ABCA1: variants seen among roughly 807,000 people sequenced by gnomAD.
ABCA1 encodes phospholipid-transporting ATPase ABCA1.
In ABCA1, 133 loss-of-function variants were observed where a neutral mutation model predicts 262.5. The ratio of observed to expected loss-of-function variants is 0.51; its 90% CI spans 0.44 to 0.59. The LOEUF (loss-of-function observed/expected upper bound fraction) is 0.59. Ranked by LOEUF, ABCA1 falls within the 20% of genes least tolerant of loss-of-function variation. The pLI is 0.00. For missense variants in ABCA1, 2,452 were observed against 2,777.5 expected, an observed-to-expected ratio of 0.88 and a Z score of 2.63; for synonymous variants, 1,022 against 1,043.5, an observed-to-expected ratio of 0.98 and a Z score of 0.40.
At chr9:104,835,764 T>C (rs541598636) in intron 11 of ABCA1, among the ~76,000 whole-genome samples, 1 of 152,294 alleles carries the variant, frequency 6.6e-6, no homozygotes, top group African/African-American at 2.4e-5. Flanking sequence ...ATGAATGCCA[T>C]TGCCATGTTT....
chr9:104,856,122 A>G (rs1417872497), intron 7 of ABCA1: 2 of 1,558,934 alleles, frequency 1.3e-6, no homozygotes, highest in East Asian at 4.5e-5. Context: ...TCAACCAAGC[A>G]GCAATAGAAA....
rs78329992 is a variant in ABCA1 at position 104,820,079 on chromosome 9, G to A, written c.2961-10C>T. On this transcript the variant is annotated splice_polypyrimidine_tract_variant and intron_variant, in intron 20 of 49. Transcript: ENST00000374736. Reference sequence around the variant, plus strand: ...TTCTTCGACAGTCAGCCTGGGGACAGGGAGGCAGGTCAGCTCTGGGCCCTA... The same window carrying A: ...TTCTTCGACAGTCAGCCTGGGGACAAGGAGGCAGGTCAGCTCTGGGCCCTA... 2,055 of 1,614,160 alleles carry A rather than the reference G, an allele frequency of 1.3e-3. 28 individuals carry two copies. In the African/African-American group the frequency reaches 0.024, roughly 19 times the overall value.
intron 5 of ABCA1, among the ~76,000 whole-genome samples, chr9:104,878,317 G>A (rs1236149699): frequency 6.6e-6 from 1 of 152,238 alleles, no homozygotes; most frequent in Non-Finnish European, 1.5e-5. Flanking sequence ...AAGTTCCAGT[G>A]ATGAGAAAAG....
intron 23 of ABCA1, 146 bp downstream of exon 23, chr9:104,818,517 G>T: frequency 1.2e-6 from 1 of 801,296 alleles, no homozygotes; most frequent in Non-Finnish European, 2.1e-6. Context: ...CATGCCTTAA[G>T]TATGATATGA....
chr9:104,822,143 C>G (rs1832417071), intron 19 of ABCA1, among the ~76,000 whole-genome samples: 1 of 152,132 alleles, frequency 6.6e-6, no homozygotes, highest in Admixed American at 6.5e-5. Flanking sequence ...TTGCGTCTCA[C>G]AGGTGCTTCT....
intron 37 of ABCA1, among the ~76,000 whole-genome samples, chr9:104,797,575 G>A (rs181436338): frequency 8.4e-5 from 4 of 47,452 alleles, no homozygotes; most frequent in Admixed American, 2.9e-4. Context: ...TTTTGAAAAC[G>A]GACATTCACA....
At chr9:104,857,073 G>C (rs1835899529) in intron 7 of ABCA1, among the ~76,000 whole-genome samples, 1 of 152,146 alleles carries the variant, frequency 6.6e-6, no homozygotes, top group Non-Finnish European at 1.5e-5. Flanking sequence ...GGGAGGCCGA[G>C]GTGGGCAGAT....
chr9:104,897,360 C>T (rs1250715115), intron 2 of ABCA1, among the ~76,000 whole-genome samples: 1 of 152,168 alleles, frequency 6.6e-6, no homozygotes, highest in Non-Finnish European at 1.5e-5. Flanking sequence ...CATTTCCCTT[C>T]AACCTAGTAA....
intron 2 of ABCA1, among the ~76,000 whole-genome samples, chr9:104,894,136 A>T (rs1188543427): frequency 6.6e-6 from 1 of 152,212 alleles, no homozygotes; most frequent in Non-Finnish European, 1.5e-5. Flanking sequence ...CTGCCATCAC[A>T]AAGCTATGTT....
chr9:104,902,412 T>C (rs1022899636), intron 2 of ABCA1, among the ~76,000 whole-genome samples: 3 of 152,204 alleles, frequency 2.0e-5, no homozygotes, highest in Admixed American at 1.3e-4. Context: ...CATGATAATA[T>C]AGACTGGCCA....
At chr9:104,912,910 G>A (rs544358541) in intron 1 of ABCA1, among the ~76,000 whole-genome samples, 25 of 152,248 alleles carry the variant, frequency 1.6e-4, no homozygotes, top group African/African-American at 6.0e-4. Context: ...TAAACACCCT[G>A]AGCTACAGAA....
chr9:104,890,641 G>A (rs985313794), intron 2 of ABCA1, among the ~76,000 whole-genome samples: 14 of 150,482 alleles, frequency 9.3e-5, no homozygotes, highest in Admixed American at 2.6e-4. Context: ...TTGCTCCATC[G>A]TCCAGGCGGT....
At chr9:104,807,247 G>A (rs1182968567) in intron 30 of ABCA1, among the ~76,000 whole-genome samples, 1 of 152,120 alleles carries the variant, frequency 6.6e-6, no homozygotes, top group Non-Finnish European at 1.5e-5. Context: ...TAGAGAATTG[G>A]GGGATGACTG....
chr9:104,797,602 T>C (rs1047663348), intron 37 of ABCA1, among the ~76,000 whole-genome samples: 8 of 152,178 alleles, frequency 5.3e-5, no homozygotes, highest in African/African-American at 1.9e-4. Context: ...AGCATGGCCA[T>C]ACAAGGACAA....
intron 39 of ABCA1, 141 bp from the exon 40 acceptor site, chr9:104,794,651 A>G: frequency 1.1e-6 from 1 of 927,636 alleles, no homozygotes; most frequent in Non-Finnish European, 1.6e-6. Flanking sequence ...GACAAACCAG[A>G]CCTTTTAATT....
intron 2 of ABCA1, among the ~76,000 whole-genome samples, chr9:104,893,399 G>A (rs112263248): frequency 0.025 from 2,834 of 112,186 alleles, 129 homozygotes; most frequent in African/African-American, 0.094. Flanking sequence ...TCCAGCCTGG[G>A]CAACAGAGTG....
In ABCA1 at chr9:104,794,399, G is replaced by A. The variant is rs1829690238; in HGVS notation, c.5494C>T (p.Leu1832=). The A allele has an allele frequency of 6.2e-7, 1 of 1,613,946 alleles. No individual in the cohort carries two copies. Among genetic ancestry groups the A allele is most frequent in the East Asian group, 2.2e-5 (1 of 44,858 alleles). The change falls in exon 40 of 50, where the codon CTG becomes TTG. Residue 1832 remains leucine (L), a synonymous_variant. Coordinates refer to ENST00000374736, the MANE Select transcript of ABCA1 (RefSeq NM_005502.4). ...MVKNQAMADA[L]ERFGENRFVS... is the part of the protein sequence containing the mutation. Reference sequence around the variant, plus strand: ...CTGCTTCACTCACCAAACCTTTCCAGGGCATCAGCCATTGCCTGGTTTTTC... The same window carrying A: ...CTGCTTCACTCACCAAACCTTTCCAAGGCATCAGCCATTGCCTGGTTTTTC...
chr9:104,912,372 C>G (rs1271806570), intron 1 of ABCA1, among the ~76,000 whole-genome samples: 1 of 152,172 alleles, frequency 6.6e-6, no homozygotes, highest in East Asian at 1.9e-4. Flanking sequence ...ATACTCCAAC[C>G]TGGGCTACAG....
At position 104,784,175 on chromosome 9, in the gene ABCA1, G is replaced by A; in HGVS notation, c.*140C>T. ...TGTTTTCATTGCATTGAATTGCATTGCATTGAATAGTATCAGTACAGTATC... is the reference window on the plus strand; with the variant it reads ...TGTTTTCATTGCATTGAATTGCATTACATTGAATAGTATCAGTACAGTATC... On this transcript the variant is annotated 3_prime_UTR_variant, in exon 50 of 50. Coordinates refer to ENST00000374736, the MANE Select transcript of ABCA1 (RefSeq NM_005502.4). 9.3e-7 allele frequency: 1 copy of A among 1,077,160 alleles called. No homozygotes were observed. Among genetic ancestry groups the A allele is most frequent in the East Asian group, 2.4e-5 (1 of 41,862 alleles). The allele number at this position is 1,077,160 out of a possible 1,614,324, so 66.7% of individuals were successfully genotyped here.
Sources: allele counts gnomAD v4.1 joint callset (sites outside exome capture counted in the v4.1 genomes callset), GRCh38; gene constraint gnomAD v4.1.1; transcripts MANE v1.5; gene names NCBI Gene and HGNC (gene_info 2026-07-23, HGNC 2026-07-21).